The following MBD5 variants were observed in gnomAD, a reference collection of about 807,000 sequenced individuals.
MBD5 encodes the protein methyl-CpG-binding domain protein 5.
In MBD5, 13 loss-of-function variants were observed where a neutral mutation model predicts 117.3. The observed-to-expected ratio is 0.11, with a 90% CI of 0.07 to 0.18. MBD5 has a LOEUF of 0.18. Ranked by LOEUF, MBD5 falls within the 10% of genes least tolerant of loss-of-function variation. MBD5 has a pLI of 1.00. For synonymous variants in MBD5, 727 were observed against 766.4 expected (o/e 0.95, Z 0.85); for missense variants, 1,879 against 2,093.8 (o/e 0.90, Z 2.00).
intron 2 of MBD5, among the ~76,000 whole-genome samples, chr2:148,224,913 AT>A (rs970447875): frequency 6.6e-5 from 10 of 150,446 alleles, no homozygotes; most frequent in Non-Finnish European, 3.0e-5. Flanking sequence ...GGCATGGAAT[AT>A]TTTTTTTTCC....
chr2:148,422,067 A>G (rs1446473643), intron 4 of MBD5, among the ~76,000 whole-genome samples: 1 of 152,202 alleles, frequency 6.6e-6, no homozygotes, highest in South Asian at 2.1e-4. Flanking sequence ...CTCCCAGCAC[A>G]GCATTCGAGC....
intron 2 of MBD5, among the ~76,000 whole-genome samples, chr2:148,187,502 A>T (rs1698694169): frequency 6.6e-6 from 1 of 152,166 alleles, no homozygotes; most frequent in Non-Finnish European, 1.5e-5. Context: ...AGAAAACCAT[A>T]CCAAAACATA....
In MBD5 at chr2:148,156,751, T is replaced by A. The variant is rs1697886071; in HGVS notation, c.-924-21949T>A. ...ACTCTAATAGAAGGCTTGGTTAATT[T>A]TGACCAAAAACTAATGATAATTATT... is the stretch of plus-strand genomic sequence containing the variant. On this transcript the variant is annotated intron_variant, in intron 1 of 13. Transcript: ENST00000642680. 2.0e-5 allele frequency among the ~76,000 whole-genome samples: 3 copies of A among 152,204 alleles called. No individual in the cohort carries two copies. In the South Asian group the frequency reaches 6.2e-4, roughly 32 times the overall value.
chr2:148,163,651 G>C (rs540300666), intron 1 of MBD5, among the ~76,000 whole-genome samples: 2 of 152,274 alleles, frequency 1.3e-5, no homozygotes, highest in African/African-American at 4.8e-5. Context: ...CCAAGCTCAG[G>C]TGATCTGTCT....
intron 4 of MBD5, among the ~76,000 whole-genome samples, chr2:148,402,688 T>G (rs998636895): frequency 1.3e-5 from 2 of 152,200 alleles, no homozygotes; most frequent in African/African-American, 4.8e-5. Flanking sequence ...ATTCTTGCCG[T>G]TACATAAATA....
At chr2:148,203,372 A>G (rs1454813525) in intron 2 of MBD5, among the ~76,000 whole-genome samples, 2 of 152,228 alleles carry the variant, frequency 1.3e-5, no homozygotes, top group Non-Finnish European at 2.9e-5. Flanking sequence ...CAAATGGCTA[A>G]TAAACCTGTA....
intron 1 of MBD5, among the ~76,000 whole-genome samples, chr2:148,049,946 CCATT>C (rs1478697345): frequency 3.3e-5 from 5 of 152,086 alleles, no homozygotes; most frequent in African/African-American, 1.2e-4. Context: ...TTTTGTTTAT[CCATT>C]CATCAGTATT....
intron 2 of MBD5, among the ~76,000 whole-genome samples, chr2:148,189,263 A>T (rs929372087): frequency 6.8e-6 from 1 of 147,814 alleles, no homozygotes; most frequent in African/African-American, 2.5e-5. Flanking sequence ...CCACAGCTCA[A>T]GGAGGCCTGC....
At position 148,502,513 on chromosome 2, in the gene MBD5, A is replaced by C; in HGVS notation, c.5036+4A>C. ...GTGTCCGGAAAAGGAACAGAAAGTA[A>C]GCACTTTTCCAAAATTTTACTTTGT... On this transcript the variant is annotated splice_donor_region_variant and intron_variant, in intron 12 of 13. Coordinates refer to ENST00000642680, the MANE Select transcript of MBD5 (RefSeq NM_001378120.1). 1 of 1,613,798 alleles carries C rather than the reference A, an allele frequency of 6.2e-7. No homozygotes were observed. The highest frequency in any genetic ancestry group is 8.5e-7 in the Non-Finnish European group (1 of 1,179,784).
chr2:148,147,236 A>T (rs75502512), intron 1 of MBD5, among the ~76,000 whole-genome samples: 1,889 of 151,108 alleles, frequency 0.013, 17 homozygotes, highest in African/African-American at 0.033. Flanking sequence ...ATTTATTTTT[A>T]TTTTATTTAT....
At chr2:148,229,566 T>A (rs965362962) in intron 2 of MBD5, among the ~76,000 whole-genome samples, 2 of 152,212 alleles carry the variant, frequency 1.3e-5, no homozygotes, top group African/African-American at 4.8e-5. Flanking sequence ...TGTTCTTTGA[T>A]GTCTGGGCAT....
chr2:148,407,397 T>C (rs1225119092), intron 4 of MBD5, among the ~76,000 whole-genome samples: 1 of 151,860 alleles, frequency 6.6e-6, no homozygotes, highest in East Asian at 1.9e-4. Flanking sequence ...TGTGTGTCTG[T>C]ATGTATTTAT....
intron 4 of MBD5, among the ~76,000 whole-genome samples, chr2:148,400,041 C>T (rs1036547612): frequency 2.0e-5 from 3 of 152,024 alleles, no homozygotes; most frequent in Non-Finnish European, 2.9e-5. Context: ...TGATGTGCTG[C>T]TGGATTTGGT....
intron 1 of MBD5, among the ~76,000 whole-genome samples, chr2:148,177,377 T>C (rs968738546): frequency 6.6e-6 from 1 of 152,196 alleles, no homozygotes; most frequent in Admixed American, 6.5e-5. Context: ...GGGTTCTAGA[T>C]TTTAAAGTGC....
chr2:148,325,267 G>A (rs1702413071), intron 3 of MBD5, among the ~76,000 whole-genome samples: 1 of 152,172 alleles, frequency 6.6e-6, no homozygotes, highest in African/African-American at 2.4e-5. Flanking sequence ...TTGCATCAAT[G>A]TTCATCAAAG....
intron 3 of MBD5, among the ~76,000 whole-genome samples, chr2:148,325,942 G>A (rs375506760): frequency 1.3e-5 from 2 of 151,958 alleles, no homozygotes; most frequent in African/African-American, 4.8e-5. Context: ...TGTCAATTTT[G>A]GATCTTTCCT....
At chr2:148,089,634 T>C (rs577000963) in intron 1 of MBD5, among the ~76,000 whole-genome samples, 1 of 152,218 alleles carries the variant, frequency 6.6e-6, no homozygotes, top group South Asian at 2.1e-4. Flanking sequence ...TAAAAAATTA[T>C]CTGAACTGAA....
chr2:148,223,282 G>A lies in MBD5; in HGVS notation c.-830-9963G>A, dbSNP rs900482695. 5.9e-5 allele frequency among the ~76,000 whole-genome samples: 9 copies of A among 152,048 alleles called. No homozygotes were observed. In the South Asian group the frequency reaches 1.9e-3, roughly 31 times the overall value. On this transcript the variant is annotated intron_variant, in intron 2 of 13. Transcript: ENST00000642680. ...GTATAAGGGTAATACTGGGCTCATA[G>A]AATGAGTTTGGAAGTATTCCCTTTT...
chr2:148,036,605 T>C (rs941323536), intron 1 of MBD5, among the ~76,000 whole-genome samples: 3 of 152,088 alleles, frequency 2.0e-5, no homozygotes, highest in African/African-American at 7.2e-5. Context: ...TGGCTTTTTC[T>C]CCATCTTTGA....
Sources: gnomAD v4.1 joint callset for allele counts (sites outside exome capture counted in the v4.1 genomes callset) on GRCh38, gnomAD v4.1.1 for gene constraint, MANE v1.5 for transcripts, NCBI Gene and HGNC (gene_info 2026-07-23, HGNC 2026-07-21) for gene names.